The following HOGA1 variants were observed in gnomAD, a reference collection of about 807,000 sequenced individuals.
HOGA1 encodes the protein 4-hydroxy-2-oxoglutarate aldolase 1.
In HOGA1, 30 loss-of-function variants were observed where a neutral mutation model predicts 34.3. The observed-to-expected ratio is 0.87, with a 90% CI of 0.65 to 1.19. HOGA1 has a LOEUF of 1.19. Among genes scored for constraint, HOGA1 ranks in the 50% most tolerant of loss-of-function variants. The probability of loss-of-function intolerance (pLI) is 0.00; values close to 1 mark genes in which losing one functional copy is unlikely to be tolerated. For missense variants in HOGA1, 417 were observed against 436.5 expected (o/e 0.96, Z 0.40); for synonymous variants, 161 against 174.0 (o/e 0.93, Z 0.59).
intron 1 of HOGA1, among the ~76,000 whole-genome samples, chr10:97,592,613 A>T (rs1158853846): frequency 6.6e-6 from 1 of 152,142 alleles, no homozygotes; most frequent in East Asian, 1.9e-4. Flanking sequence ...TTAAAAAAAA[A>T]GTTTTCAGAC....
chr10:97,609,101 T>C (rs1307754821), intron 6 of HOGA1, among the ~76,000 whole-genome samples: 1 of 152,136 alleles, frequency 6.6e-6, no homozygotes, highest in African/African-American at 2.4e-5. Context: ...CTTCTATAAA[T>C]AGGTTATAAG....
At chr10:97,597,159 G>A (rs1236538189) in intron 1 of HOGA1, among the ~76,000 whole-genome samples, 2 of 150,736 alleles carry the variant, frequency 1.3e-5, no homozygotes, top group East Asian at 1.9e-4. Flanking sequence ...AGGCTGGAGT[G>A]CAGTGGCACA....
In HOGA1 at chr10:97,612,556, C is replaced by T. The variant is rs565456647; in HGVS notation, c.*897C>T. 1 of 152,328 alleles carries T rather than the reference C, an allele frequency of 6.6e-6. No individual in the cohort carries two copies. Among genetic ancestry groups the T allele is most frequent in the Admixed American group, 6.5e-5 (1 of 15,302 alleles). 9.4% of individuals were successfully genotyped at this position (152,328 alleles called of 1,614,324 possible). A position where few individuals can be genotyped will look rare whatever the true frequency, so the allele number is the denominator to read the frequency against. ...TTCTAAATCTATTTTCATTCATCTC[C>T]TATTCTGGTCTGTAGCCTTGATTCC... On this transcript the variant is annotated 3_prime_UTR_variant, in exon 7 of 7. Transcript: ENST00000370646.
At chr10:97,590,767 C>G (rs1328714555) in intron 1 of HOGA1, 1 of 623,532 alleles carries the variant, frequency 1.6e-6, no homozygotes, top group African/African-American at 1.8e-5. Context: ...GTGGGGTCTG[C>G]CACAGAAGAT....
intron 1 of HOGA1, among the ~76,000 whole-genome samples, chr10:97,597,451 G>A (rs934535665): frequency 1.3e-5 from 2 of 151,942 alleles, no homozygotes; most frequent in Admixed American, 6.6e-5. Context: ...AAAGTTAAGC[G>A]GGCTGGGCAC....
intron 6 of HOGA1, among the ~76,000 whole-genome samples, chr10:97,607,094 A>C (rs1302590724): frequency 7.6e-6 from 1 of 131,186 alleles, no homozygotes; most frequent in Non-Finnish European, 1.6e-5. Context: ...ACATGGCCAG[A>C]CCCCATCTCT....
intron 1 of HOGA1, chr10:97,590,485 A>T: frequency 6.2e-7 from 1 of 1,613,382 alleles, no homozygotes; most frequent in Non-Finnish European, 8.5e-7. Flanking sequence ...CCAATCACAC[A>T]CACACCTTCT....
chr10:97,589,002 G>A (rs143553009), intron 1 of HOGA1, among the ~76,000 whole-genome samples: 4 of 152,198 alleles, frequency 2.6e-5, no homozygotes, highest in East Asian at 1.9e-4. Flanking sequence ...CTCACAACCC[G>A]AACCATGCCT....
chr10:97,608,641 T>A (rs2041174323), intron 6 of HOGA1, among the ~76,000 whole-genome samples: 1 of 151,878 alleles, frequency 6.6e-6, no homozygotes, highest in South Asian at 2.1e-4. Flanking sequence ...CCTCTCTCTA[T>A]TAAAAATACA....
intron 1 of HOGA1, among the ~76,000 whole-genome samples, chr10:97,586,470 C>G (rs917925688): frequency 1.3e-5 from 2 of 152,232 alleles, no homozygotes; most frequent in African/African-American, 4.8e-5. Flanking sequence ...AATGAATGCC[C>G]TGTGGAGGGC....
At chr10:97,599,501 G>A (rs1589908187) in intron 3 of HOGA1, 179 bp from the exon 4 acceptor site, 1 of 838,464 alleles carries the variant, frequency 1.2e-6, no homozygotes, top group Non-Finnish European at 2.0e-6. Context: ...CATATGGAAA[G>A]CACTCCATAA....
chr10:97,600,202 A>G (rs1341753800), intron 5 of HOGA1, 39 bp downstream of exon 5: 1 of 1,520,044 alleles, frequency 6.6e-7, no homozygotes. Flanking sequence ...ATGGGTGACC[A>G]AGAGATACCC....
At chr10:97,590,075 A>T in intron 1 of HOGA1, 1 of 1,614,152 alleles carries the variant, frequency 6.2e-7, no homozygotes, top group South Asian at 1.1e-5. Context: ...TGGCAATGCT[A>T]CCCAGACTGA....
At chr10:97,601,584 G>A (rs2041117157) in intron 5 of HOGA1, among the ~76,000 whole-genome samples, 3 of 152,214 alleles carry the variant, frequency 2.0e-5, no homozygotes, top group Admixed American at 6.5e-5. Flanking sequence ...GGAAGGAACC[G>A]TCCTTGAGTT....
rs1432672639 is a variant in HOGA1 at position 97,599,781 on chromosome 10, G to A, written c.570G>A (p.Pro190=). 2.2e-5 allele frequency: 36 copies of A among 1,614,072 alleles called. No homozygotes were observed. The highest frequency in any genetic ancestry group is 4.4e-5 in the South Asian group (4 of 91,086). The change falls in exon 4 of 7, where the codon CCG becomes CCA. Residue 190 remains proline, a synonymous_variant. Coordinates refer to ENST00000370646, the MANE Select transcript of HOGA1 (RefSeq NM_138413.4). Reference sequence around the variant, plus strand: ...CAGTGGTCACGCTTTCCCAGCACCCGAATATTGTGGGCATGAAGGACAGCG... The same window carrying A: ...CAGTGGTCACGCTTTCCCAGCACCCAAATATTGTGGGCATGAAGGACAGCG... ...VDAVVTLSQH[P]NIVGMKDSGG...
At chr10:97,600,000 C>T (rs566004348) in intron 4 of HOGA1, 67 bp from the exon 5 acceptor site, 28 of 1,533,694 alleles carry the variant, frequency 1.8e-5, no homozygotes, top group Non-Finnish European at 2.5e-5. Context: ...CATTCCACCA[C>T]ACTTACCCGG....
intron 1 of HOGA1, among the ~76,000 whole-genome samples, chr10:97,597,059 A>G (rs2041077154): frequency 6.6e-6 from 1 of 151,540 alleles, no homozygotes; most frequent in South Asian, 2.1e-4. Context: ...TTGTATACCA[A>G]TACTGCTTGT....
At chr10:97,586,924 G>C (rs2040975561) in intron 1 of HOGA1, among the ~76,000 whole-genome samples, 1 of 152,214 alleles carries the variant, frequency 6.6e-6, no homozygotes, top group South Asian at 2.1e-4. Flanking sequence ...AGCATCTTGA[G>C]TTAGAGGACC....
Position 97,599,754 on chromosome 10 carries a change from T to G in HOGA1, c.543T>G (p.Asp181Glu), listed in dbSNP as rs1188383421. The G allele has an allele frequency of 3.7e-6, 6 of 1,614,200 alleles. No homozygotes were observed. The highest frequency in any genetic ancestry group is 5.1e-6 in the Non-Finnish European group (6 of 1,180,036). The change falls in exon 4 of 7, where the codon GAT becomes GAG. Residue 181 changes from aspartate to glutamate, a missense_variant. Coordinates refer to ENST00000370646, the MANE Select transcript of HOGA1 (RefSeq NM_138413.4). Reference protein sequence around the residue: ...PANTGLDLPVDAVVTLSQHPN... With the variant: ...PANTGLDLPVEAVVTLSQHPN... Reference sequence around the variant, plus strand: ...ACACAGGGCTGGACCTGCCTGTGGATGCAGTGGTCACGCTTTCCCAGCACC... The same window carrying G: ...ACACAGGGCTGGACCTGCCTGTGGAGGCAGTGGTCACGCTTTCCCAGCACC...
Sources: gnomAD v4.1 joint callset for allele counts (sites outside exome capture counted in the v4.1 genomes callset) on GRCh38, gnomAD v4.1.1 for gene constraint, MANE v1.5 for transcripts, NCBI Gene and HGNC (gene_info 2026-07-23, HGNC 2026-07-21) for gene names.